ECPAS: variants seen among roughly 807,000 people sequenced by gnomAD.
ECPAS encodes the protein proteasome adapter and scaffold protein ECM29.
A neutral mutation model predicts 255.1 loss-of-function variants in ECPAS; 70 were observed. The observed-to-expected ratio is 0.27, with a 90% CI of 0.23 to 0.33. ECPAS has a LOEUF of 0.33. Ranked by LOEUF, ECPAS falls within the 10% of genes least tolerant of loss-of-function variation. The pLI, the probability that ECPAS is intolerant of heterozygous loss-of-function variation, is 1.00. For synonymous variants in ECPAS, 784 were observed against 775.0 expected, an observed-to-expected ratio of 1.01 and a Z score of -0.19; for missense variants, 1,817 against 2,206.4, an observed-to-expected ratio of 0.82 and a Z score of 3.54.
Position 111,409,959 on chromosome 9 carries a change from A to C in ECPAS, c.2550+82T>G, listed in dbSNP as rs758901204. 2.2e-4 allele frequency: 217 copies of C among 986,854 alleles called. 1 individual carries two copies. In the Middle Eastern group the frequency reaches 3.7e-3, roughly 17 times the overall value. The allele number at this position is 986,854 out of a possible 1,614,324, so 61.1% of individuals were successfully genotyped here. ...CCTTCCTCCAGCTGTAATGCCATCT[A>C]TTCTCATTATAATCTGTTTTTGCTC... On this transcript the variant is annotated intron_variant, in intron 23 of 49. Transcript: ENST00000684092.
At chr9:111,402,884 G>A (rs1422461201) in intron 24 of ECPAS, among the ~76,000 whole-genome samples, 1 of 151,660 alleles carries the variant, frequency 6.6e-6, no homozygotes, top group Non-Finnish European at 1.5e-5. Context: ...AAGGAAGACA[G>A]AAAGAAAAAA....
At chr9:111,425,998 TATAA>T (rs1448235507) in intron 10 of ECPAS, among the ~76,000 whole-genome samples, 170 bp from the exon 11 acceptor site, 3 of 152,228 alleles carry the variant, frequency 2.0e-5, no homozygotes, top group Non-Finnish European at 4.4e-5. Flanking sequence ...CAGAAGCTCC[TATAA>T]ATAGTCTGTG....
chr9:111,380,951 T>C (rs2098139833), intron 35 of ECPAS, among the ~76,000 whole-genome samples: 1 of 152,254 alleles, frequency 6.6e-6, no homozygotes, highest in African/African-American at 2.4e-5. Context: ...TTGTGGCTGA[T>C]TTGATCTTCT....
In ECPAS at chr9:111,479,281, T is replaced by C. The variant is rs192972538; in HGVS notation, c.-83+4835A>G. ...TAAAAAAAGATGGAGTAATAAGTAC[T>C]TAATACCACTGTACACTTAAAAACT... is the stretch of plus-strand genomic sequence containing the variant. On this transcript the variant is annotated intron_variant, in intron 1 of 49. Coordinates refer to ENST00000684092, the MANE Select transcript of ECPAS (RefSeq NM_001364929.1). 1.9e-3 allele frequency among the ~76,000 whole-genome samples: 284 copies of C among 152,298 alleles called. 1 individual carries two copies. Among genetic ancestry groups the C allele is most frequent in the Admixed American group, 2.9e-3 (45 of 15,298 alleles).
In ECPAS at chr9:111,389,686, G is replaced by A. The variant is rs769547052; in HGVS notation, c.3317C>T (p.Ala1106Val). ...CAGAAAAGGAGCCAGCTGCTCTCCA[G>A]CTCTGGTAGCAATTACATTAAAACC... ...AFGFNVIATRAGEQLAPFLPQ... is the reference protein window; with the variant it reads ...AFGFNVIATRVGEQLAPFLPQ... The change falls in exon 31 of 50, where the codon GCT (alanine) becomes GTT (valine). Residue 1106 changes from alanine (A) to valine (V), a missense_variant. Transcript: ENST00000684092. The A allele has an allele frequency of 1.4e-5, 22 of 1,613,436 alleles. No homozygotes were observed.
chr9:111,392,188 T>C (rs1479883671), intron 28 of ECPAS, among the ~76,000 whole-genome samples: 1 of 151,982 alleles, frequency 6.6e-6, no homozygotes, highest in Non-Finnish European at 1.5e-5. Flanking sequence ...TGCAGTGAGC[T>C]GACATCGTGC....
intron 10 of ECPAS, among the ~76,000 whole-genome samples, chr9:111,427,634 A>G (rs1035757788): frequency 6.6e-6 from 1 of 152,224 alleles, no homozygotes; most frequent in African/African-American, 2.4e-5. Context: ...TAAAGATGAA[A>G]TTCACTGACA....
Position 111,422,063 on chromosome 9 carries a change from G to A in ECPAS, c.1333-20C>T, listed in dbSNP as rs747654318. The A allele has an allele frequency of 1.2e-6, 2 of 1,613,520 alleles. No homozygotes were observed. The highest frequency in any genetic ancestry group is 3.3e-5 in the Admixed American group (2 of 59,924). ...CTCTTCCTATAAAGATGATAAAAATGTTTCCCTCCTTGTTGGGTTCCCAGG... is the reference window on the plus strand; with the variant it reads ...CTCTTCCTATAAAGATGATAAAAATATTTCCCTCCTTGTTGGGTTCCCAGG... On this transcript the variant is annotated intron_variant, in intron 14 of 49. Coordinates refer to ENST00000684092, the MANE Select transcript of ECPAS (RefSeq NM_001364929.1).
At chr9:111,415,721 A>G in intron 18 of ECPAS, among the ~76,000 whole-genome samples, 1 of 151,764 alleles carries the variant, frequency 6.6e-6, no homozygotes, top group Non-Finnish European at 1.5e-5. Context: ...AAAAAACCAA[A>G]CAAACAAAAA....
intron 2 of ECPAS, among the ~76,000 whole-genome samples, chr9:111,451,954 T>C (rs980405357): frequency 6.6e-6 from 1 of 152,214 alleles, no homozygotes; most frequent in Non-Finnish European, 1.5e-5. Context: ...ATCATCTTAC[T>C]GATGAAGTTT....
chr9:111,400,444 C>T (rs1350577579), intron 24 of ECPAS, among the ~76,000 whole-genome samples: 3 of 152,156 alleles, frequency 2.0e-5, no homozygotes, highest in African/African-American at 4.8e-5. Context: ...AAGCAGGCAC[C>T]AGTGACCAAT....
chr9:111,373,850 G>C (rs537516550), intron 39 of ECPAS, 122 bp downstream of exon 39: 85 of 714,274 alleles, frequency 1.2e-4, no homozygotes, highest in Middle Eastern at 8.6e-4. Context: ...GGGGACTGAG[G>C]GGAGAAAAGG....
In ECPAS at chr9:111,418,020, A is replaced by G; in HGVS notation, c.1560-14T>C. ...ACTTCTTCACGTCTTTCAGAAAAAG[A>G]CAAATAAGAATAAAAAATAAATGTC... On this transcript the variant is annotated splice_polypyrimidine_tract_variant and intron_variant, in intron 16 of 49. Coordinates refer to ENST00000684092, the MANE Select transcript of ECPAS (RefSeq NM_001364929.1). 1.9e-6 allele frequency: 3 copies of G among 1,569,010 alleles called. No homozygotes were observed. Among genetic ancestry groups the G allele is most frequent in the Non-Finnish European group, 2.6e-6 (3 of 1,163,540 alleles).
chr9:111,448,833 A>G (rs1240383033), intron 3 of ECPAS, among the ~76,000 whole-genome samples: 1 of 152,248 alleles, frequency 6.6e-6, no homozygotes, highest in Non-Finnish European at 1.5e-5. Flanking sequence ...AATAAGTCAA[A>G]GATAAAATGA....
chr9:111,391,803 T>C lies in ECPAS; in HGVS notation c.3114A>G (p.Gly1038=), dbSNP rs1302536532. The C allele has an allele frequency of 1.2e-6, 2 of 1,607,250 alleles. No individual in the cohort carries two copies. Among genetic ancestry groups the C allele is most frequent in the Non-Finnish European group, 1.7e-6 (2 of 1,175,884 alleles). Residue 1038 remains glycine (G), a synonymous_variant, in exon 29 of 50, where the codon GGA becomes GGG. Coordinates refer to ENST00000684092, the MANE Select transcript of ECPAS (RefSeq NM_001364929.1). ...CTCCCCCTTGAAATACCACTGTCTC[T>C]CCAGAAACTTCATGTTTAACTCTAA... is the stretch of plus-strand genomic sequence containing the variant. ...TGKRVKHEVS[G]ETVVFQGGAL... is the part of the protein sequence containing the mutation.
chr9:111,397,214 C>T, intron 24 of ECPAS, 61 bp from the exon 25 acceptor site: 1 of 1,593,786 alleles, frequency 6.3e-7, no homozygotes, highest in East Asian at 2.2e-5. Flanking sequence ...ACATCCATTT[C>T]TACAGAAAGC....
intron 17 of ECPAS, 96 bp downstream of exon 17, chr9:111,417,787 G>C: frequency 8.7e-7 from 1 of 1,155,760 alleles, no homozygotes; most frequent in Non-Finnish European, 1.2e-6. Flanking sequence ...AATTTTATGA[G>C]TCAACATCTA....
At chr9:111,366,685 G>T in intron 46 of ECPAS, 58 bp from the exon 47 acceptor site, 1 of 1,098,456 alleles carries the variant, frequency 9.1e-7, no homozygotes, top group East Asian at 2.4e-5. Flanking sequence ...AACAAGAGAT[G>T]GAATAAATGA....
chr9:111,480,292 CTTTTTTT>C (rs398011866), intron 1 of ECPAS, among the ~76,000 whole-genome samples: 3 of 63,636 alleles, frequency 4.7e-5, no homozygotes, highest in Admixed American at 2.4e-4. Flanking sequence ...AGCACCTTTT[CTTTTTTT>C]TTTTTTTTTT....
Sources: gnomAD v4.1 joint callset for allele counts (sites outside exome capture counted in the v4.1 genomes callset) on GRCh38, gnomAD v4.1.1 for gene constraint, MANE v1.5 for transcripts, NCBI Gene and HGNC (gene_info 2026-07-23, HGNC 2026-07-21) for gene names.